Variants in NRXN1 observed in about 807,000 individuals in gnomAD.
NRXN1 encodes the protein neurexin-1.
NRXN1 carries 39 observed loss-of-function variants against 150.9 expected under a neutral mutation model. The observed-to-expected ratio is 0.26, with a 90% CI of 0.20 to 0.34. The LOEUF (loss-of-function observed/expected upper bound fraction) is 0.34, where lower values mean the gene tolerates loss of function less well. Among genes scored for constraint, NRXN1 ranks in the 10% least tolerant of loss-of-function variants. The pLI is 1.00. For missense variants in NRXN1, 1,815 were observed against 1,949.9 expected (o/e 0.93, Z 1.30); for synonymous variants, 924 against 757.0 (o/e 1.22, Z -3.62).
chr2:50,915,861 T>G (rs903362845), intron 5 of NRXN1, among the ~76,000 whole-genome samples: 1 of 150,792 alleles, frequency 6.6e-6, no homozygotes, highest in Non-Finnish European at 1.5e-5. Flanking sequence ...ATTGAGTATT[T>G]TTATTAATCC....
intron 5 of NRXN1, among the ~76,000 whole-genome samples, chr2:50,807,208 T>C (rs1667619779): frequency 1.3e-5 from 2 of 152,234 alleles, no homozygotes; most frequent in South Asian, 4.1e-4. Flanking sequence ...CATAAAGATA[T>C]AAAAAACTTT....
At chr2:50,776,633 G>GAC (rs1554069262) in intron 5 of NRXN1, among the ~76,000 whole-genome samples, 1 of 142,070 alleles carries the variant, frequency 7.0e-6, no homozygotes, top group Non-Finnish European at 1.6e-5. Flanking sequence ...CATATAGTGA[G>GAC]ATATATATAT....
intron 21 of NRXN1, among the ~76,000 whole-genome samples, chr2:49,958,818 A>G (rs1037185729): frequency 5.3e-5 from 8 of 152,164 alleles, no homozygotes; most frequent in African/African-American, 1.9e-4. Flanking sequence ...GTCTTTTGTC[A>G]GCCTTTATAG....
At chr2:50,685,836 C>T (rs1691149317) in intron 5 of NRXN1, among the ~76,000 whole-genome samples, 1 of 152,116 alleles carries the variant, frequency 6.6e-6, no homozygotes, top group Non-Finnish European at 1.5e-5. Context: ...CCTGGAAAAT[C>T]ATAGCAAACT....
At chr2:50,691,809 T>C (rs1446019188) in intron 5 of NRXN1, among the ~76,000 whole-genome samples, 1 of 151,942 alleles carries the variant, frequency 6.6e-6, no homozygotes, top group Non-Finnish European at 1.5e-5. Flanking sequence ...ATAGAAAATC[T>C]CTCATTCACT....
intron 17 of NRXN1, among the ~76,000 whole-genome samples, chr2:50,350,204 G>A (rs925439212): frequency 2.0e-5 from 3 of 152,088 alleles, no homozygotes; most frequent in Non-Finnish European, 4.4e-5. Flanking sequence ...ACATAATGTT[G>A]ATTCATCAAC....
intron 18 of NRXN1, among the ~76,000 whole-genome samples, chr2:50,181,205 A>G (rs903165867): frequency 6.6e-6 from 1 of 151,916 alleles, no homozygotes; most frequent in South Asian, 2.1e-4. Context: ...AGAAGTCTTA[A>G]CTATCTTGAA....
At chr2:50,164,491 A>G (rs2059555524) in intron 18 of NRXN1, among the ~76,000 whole-genome samples, 1 of 152,216 alleles carries the variant, frequency 6.6e-6, no homozygotes, top group African/African-American at 2.4e-5. Context: ...CTTGATAGTC[A>G]TTTTTAATTG....
intron 17 of NRXN1, among the ~76,000 whole-genome samples, chr2:50,359,041 A>T (rs956650778): frequency 6.6e-6 from 1 of 152,184 alleles, no homozygotes; most frequent in Non-Finnish European, 1.5e-5. Flanking sequence ...AAACTAACAA[A>T]CAGAAAGCAA....
chr2:50,183,499 A>AATATTG (rs2060870541), intron 18 of NRXN1, among the ~76,000 whole-genome samples: 1 of 151,900 alleles, frequency 6.6e-6, no homozygotes, highest in Non-Finnish European at 1.5e-5. Context: ...TTGATGATAA[A>AATATTG]ATATTGATAT....
intron 17 of NRXN1, among the ~76,000 whole-genome samples, chr2:50,437,690 A>G (rs1254041469): frequency 6.7e-6 from 1 of 148,778 alleles, no homozygotes; most frequent in Non-Finnish European, 1.5e-5. Context: ...TTCATGATAC[A>G]GGGAGTTCTG....
At chr2:50,322,430 T>C (rs1429189548) in intron 17 of NRXN1, among the ~76,000 whole-genome samples, 2 of 152,188 alleles carry the variant, frequency 1.3e-5, no homozygotes, top group South Asian at 4.1e-4. Context: ...ATCTGATCCC[T>C]AGAAGATACC....
intron 9 of NRXN1, among the ~76,000 whole-genome samples, chr2:50,547,037 C>T (rs2093509858): frequency 2.6e-5 from 4 of 152,136 alleles, no homozygotes; most frequent in African/African-American, 7.2e-5. Flanking sequence ...CTAGAAAGTG[C>T]TGTTCACATC....
intron 21 of NRXN1, among the ~76,000 whole-genome samples, chr2:49,990,857 T>C (rs1421567): frequency 0.8 from 121,685 of 151,992 alleles, 49,182 homozygotes; most frequent in Middle Eastern, 0.87. Context: ...CATTTATTAA[T>C]CTCCAGTTGG....
At chr2:50,869,324 C>T (rs181515884) in intron 5 of NRXN1, among the ~76,000 whole-genome samples, 244 of 151,648 alleles carry the variant, frequency 1.6e-3, no homozygotes, top group Non-Finnish European at 2.2e-3. Flanking sequence ...AATTAACAAG[C>T]AATACCTTCA....
At chr2:50,385,658 C>G (rs902475345) in intron 17 of NRXN1, among the ~76,000 whole-genome samples, 1 of 152,124 alleles carries the variant, frequency 6.6e-6, no homozygotes, top group Non-Finnish European at 1.5e-5. Context: ...GGAAACTTTC[C>G]AAGCTTGTTC....
At chr2:51,015,624 G>C (rs1013503490) in intron 2 of NRXN1, among the ~76,000 whole-genome samples, 3 of 151,322 alleles carry the variant, frequency 2.0e-5, no homozygotes, top group Non-Finnish European at 4.4e-5. Context: ...TCAATATATA[G>C]AGTCATAGAA....
At chr2:50,013,674 A>T (rs1686083751) in intron 21 of NRXN1, among the ~76,000 whole-genome samples, 1 of 152,126 alleles carries the variant, frequency 6.6e-6, no homozygotes, top group Non-Finnish European at 1.5e-5. Flanking sequence ...AATCTGCGGA[A>T]CCCAGGTCTG....
intron 17 of NRXN1, among the ~76,000 whole-genome samples, chr2:50,258,868 T>G (rs535341000): frequency 6.6e-6 from 1 of 152,176 alleles, no homozygotes; most frequent in East Asian, 1.9e-4. Flanking sequence ...GACAGGTGCA[T>G]TGTCAATGAG....
Sources: allele counts gnomAD v4.1 joint callset (sites outside exome capture counted in the v4.1 genomes callset), GRCh38; gene constraint gnomAD v4.1.1; transcripts MANE v1.5; gene names NCBI Gene and HGNC (gene_info 2026-07-23, HGNC 2026-07-21).